The following F7 variants were observed in gnomAD, a reference collection of about 807,000 sequenced individuals.
F7 encodes FVII coagulation protein.
F7 carries 38 observed loss-of-function variants against 47.5 expected under a neutral mutation model. The ratio of observed to expected loss-of-function variants is 0.80; its 90% CI spans 0.62 to 1.05. The LOEUF (loss-of-function observed/expected upper bound fraction) is 1.05, where lower values mean the gene tolerates loss of function less well. Ranked by LOEUF, F7 falls within the 50% of genes least tolerant of loss-of-function variation. The pLI is 0.00. For synonymous variants in F7, 244 were observed against 258.5 expected (o/e 0.94, Z 0.54); for missense variants, 575 against 605.4 (o/e 0.95, Z 0.53).
intron 2 of F7, among the ~76,000 whole-genome samples, chr13:113,112,516 C>G (rs896461947): frequency 6.8e-6 from 1 of 147,592 alleles, no homozygotes; most frequent in African/African-American, 2.5e-5. Context: ...CAGATCATCT[C>G]ATTCTCACAG....
rs1235260183 is a variant in F7 at position 113,113,419 on chromosome 13, T to C, written c.226-333T>C. Reference sequence around the variant, plus strand: ...TGCTACTGCACCCTCTCCCCGTATGTGTGGCCACCCTGTCAGAGGTGGAGC... The same window carrying C: ...TGCTACTGCACCCTCTCCCCGTATGCGTGGCCACCCTGTCAGAGGTGGAGC... On this transcript the variant is annotated intron_variant, in intron 2 of 7. Transcript: ENST00000346342. This position sits in a 1 kb window ranked among gnomAD's most constrained non-coding sequence, Gnocchi z 4.1. Among the ~76,000 whole-genome samples the C allele has an allele frequency of 6.6e-6, 1 of 152,260 alleles. No homozygotes were observed. Among genetic ancestry groups the C allele is most frequent in the Non-Finnish European group, 1.5e-5 (1 of 68,046 alleles).
At chr13:113,109,250 T>TCGTGGGTGTCCCGGGAG (rs1484751780) in intron 1 of F7, among the ~76,000 whole-genome samples, 1 of 81,742 alleles carries the variant, frequency 1.2e-5, no homozygotes, top group East Asian at 3.3e-4. Flanking sequence ...GTCCCGGGGG[T>TCGTGGGTGTCCCGGGAG]CGTGGGTGTC....
At position 113,110,679 on chromosome 13, in the gene F7, G is replaced by A. The variant is rs1049777431; in HGVS notation, c.65-11G>A. ...ACGCGGTGGGCGCTTCACGGAACTC[G>A]CATTTCCCAGTCTTCGTAACCCAGG... On this transcript the variant is annotated splice_polypyrimidine_tract_variant and intron_variant, in intron 1 of 7. Coordinates refer to ENST00000346342, the MANE Select transcript of F7 (RefSeq NM_019616.4). The A allele has an allele frequency of 3.9e-6, 6 of 1,547,994 alleles. No individual in the cohort carries two copies. The highest frequency in any genetic ancestry group is 4.4e-6 in the Non-Finnish European group (5 of 1,146,372).
At position 113,115,767 on chromosome 13, in the gene F7, C is replaced by T; in HGVS notation, c.472C>T (p.Leu158=). The change falls in exon 5 of 8, where the codon CTG becomes TTG. Residue 158 remains leucine, a synonymous_variant. Coordinates refer to ENST00000346342, the MANE Select transcript of F7 (RefSeq NM_019616.4). Reference sequence around the variant, plus strand: ...CTGTCGGTGCCACGAGGGGTACTCTCTGCTGGCAGACGGGGTGTCCTGCAC... The same window carrying T: ...CTGTCGGTGCCACGAGGGGTACTCTTTGCTGGCAGACGGGGTGTCCTGCAC... The part of the protein sequence containing the change: ...RSCRCHEGYS[L]LADGVSCTPT... The T allele has an allele frequency of 6.2e-7, 1 of 1,613,282 alleles. No homozygotes were observed. Among genetic ancestry groups the T allele is most frequent in the East Asian group, 2.2e-5 (1 of 44,878 alleles).
intron 1 of F7, among the ~76,000 whole-genome samples, chr13:113,106,356 A>G (rs1473486761): frequency 3.2e-3 from 15 of 4,758 alleles, no homozygotes; most frequent in African/African-American, 0.019. Flanking sequence ...GGTGTGGAGG[A>G]TCGGGGGTGG....
rs199567176 is a variant in F7 at position 113,118,489 on chromosome 13, C to T, written c.816C>T (p.Tyr272=). Residue 272 remains tyrosine, a synonymous_variant, in exon 8 of 8, where the codon TAC becomes TAT. Transcript: ENST00000346342. The part of the protein sequence containing the change: ...RVAQVIIPST[Y]VPGTTNHDIA... ...CGCAGGTCATCATCCCCAGCACGTA[C>T]GTCCCGGGCACCACCAACCACGACA... The T allele has an allele frequency of 2.8e-5, 45 of 1,610,144 alleles. No homozygotes were observed. The highest frequency in any genetic ancestry group is 8.3e-5 in the Admixed American group (5 of 60,014).
chr13:113,118,744 C>A lies in F7; in HGVS notation c.1071C>A (p.Asp357Glu). ...TGCAGCAGTCACGGAAGGTGGGAGA[C>A]TCCCCAAATATCACGGAGTACATGT... ...DCLQQSRKVG[D>E]SPNITEYMFC... Residue 357 changes from aspartate to glutamate, a missense_variant, in exon 8 of 8, where the codon GAC becomes GAA. Transcript: ENST00000346342. 1 of 1,613,168 alleles carries A rather than the reference C, an allele frequency of 6.2e-7. No individual in the cohort carries two copies. Among genetic ancestry groups the A allele is most frequent in the Non-Finnish European group, 8.5e-7 (1 of 1,179,958 alleles).
chr13:113,117,027 C>A lies in F7; in HGVS notation c.615+152C>A, dbSNP rs1479731510. 4.1e-6 allele frequency: 3 copies of A among 724,522 alleles called. No homozygotes were observed. The African/African-American group carries it at 5.2e-5, about 13-fold the overall frequency. The allele number at this position is 724,522 out of a possible 1,614,324, so 44.9% of individuals were successfully genotyped here. A position where few individuals can be genotyped will look rare whatever the true frequency, so the allele number is the denominator to read the frequency against. The stretch of plus-strand genomic sequence containing the variant: ...ACCTAGCACCTCCAGCTCGCGGCAC[C>A]CCCATGCTTTTAGTGGGGCAAGGAA... On this transcript the variant is annotated intron_variant, in intron 6 of 7. Coordinates refer to ENST00000346342, the MANE Select transcript of F7 (RefSeq NM_019616.4).
chr13:113,115,592 C>G (rs2036178674), intron 4 of F7, 68 bp from the exon 5 acceptor site: 1 of 1,564,470 alleles, frequency 6.4e-7, no homozygotes, highest in Non-Finnish European at 8.7e-7. Context: ...CAGGGCATGG[C>G]CACCCCGGGG....
At chr13:113,111,418 C>T (rs1300701502) in intron 2 of F7, among the ~76,000 whole-genome samples, 3 of 84,138 alleles carry the variant, frequency 3.6e-5, no homozygotes, top group African/African-American at 7.2e-5. Flanking sequence ...CACAGGACAC[C>T]TCACACTCAC....
At chr13:113,106,859 G>A (rs1262951606) in intron 1 of F7, 2 of 1,604,586 alleles carry the variant, frequency 1.2e-6, no homozygotes, top group African/African-American at 1.3e-5. Context: ...GGTCGCTAAG[G>A]CCTCAGGAGG....
chr13:113,117,862 C>CACAG (rs1400069922), intron 7 of F7, among the ~76,000 whole-genome samples: 2 of 152,232 alleles, frequency 1.3e-5, no homozygotes, highest in South Asian at 2.1e-4. Flanking sequence ...CTGTCACTTC[C>CACAG]ACAGACAGAC....
At chr13:113,110,465 C>A in intron 1 of F7, 1 of 531,348 alleles carries the variant, frequency 1.9e-6, no homozygotes, top group Non-Finnish European at 3.2e-6. Flanking sequence ...CCCTCGGGAT[C>A]AGCCCCCGGA....
chr13:113,107,203 A>G (rs2035977768), intron 1 of F7, among the ~76,000 whole-genome samples: 1 of 151,972 alleles, frequency 6.6e-6, no homozygotes, highest in African/African-American at 2.4e-5. Flanking sequence ...CTTTCACCCC[A>G]GGGCGGTCAC....
At chr13:113,109,576 C>T (rs2142209272) in intron 1 of F7, among the ~76,000 whole-genome samples, 1 of 152,312 alleles carries the variant, frequency 6.6e-6, no homozygotes, top group East Asian at 1.9e-4. Context: ...AACTCGGGCT[C>T]CTGCCCACCG....
In F7 at chr13:113,118,635, G is replaced by A. The variant is rs1340056782; in HGVS notation, c.962G>A (p.Gly321Asp). The A allele has an allele frequency of 1.2e-6, 2 of 1,612,898 alleles. No individual in the cohort carries two copies. Among genetic ancestry groups the A allele is most frequent in the East Asian group, 4.5e-5 (2 of 44,876 alleles). ...TTCGTGCGCTTCTCATTGGTCAGCGGCTGGGGCCAGCTGCTGGACCGTGGC... is the reference window on the plus strand; with the variant it reads ...TTCGTGCGCTTCTCATTGGTCAGCGACTGGGGCCAGCTGCTGGACCGTGGC... ...LAFVRFSLVS[G>D]WGQLLDRGAT... Residue 321 changes from glycine (G) to aspartate (D), a missense_variant, in exon 8 of 8, where the codon GGC (glycine) becomes GAC (aspartate). Transcript: ENST00000346342.
chr13:113,113,623 G>C lies in F7; in HGVS notation c.226-129G>C. 9 of 919,242 alleles carry C rather than the reference G, an allele frequency of 9.8e-6. No homozygotes were observed. The South Asian group carries it at 1.2e-4, about 12-fold the overall frequency. The allele number at this position is 919,242 out of a possible 1,614,324, so 56.9% of individuals were successfully genotyped here. The stretch of plus-strand genomic sequence containing the variant: ...TACCTCAGCTCCAGAGGAAAGTCTG[G>C]CTTCCTGAGCCCACCCCGCCAGACC... On this transcript the variant is annotated intron_variant, in intron 2 of 7. Transcript: ENST00000346342. The surrounding 1 kb of genome is among the most constrained non-coding windows in gnomAD (Gnocchi z 4.1).
intron 1 of F7, 179 bp from the exon 2 acceptor site, chr13:113,110,511 G>A: frequency 1.3e-6 from 1 of 756,606 alleles, no homozygotes; most frequent in Non-Finnish European, 2.1e-6. Flanking sequence ...TGGGCGACGG[G>A]GGTGGCTGAC....
chr13:113,112,848 T>C (rs374341525), intron 2 of F7, among the ~76,000 whole-genome samples: 28 of 135,650 alleles, frequency 2.1e-4, no homozygotes, highest in African/African-American at 7.1e-4. Context: ...CAGGTCACCT[T>C]ACTCTCACAG....
Sources: allele counts gnomAD v4.1 joint callset (sites outside exome capture counted in the v4.1 genomes callset), GRCh38; gene constraint gnomAD v4.1.1; non-coding constraint Gnocchi (gnomAD v3.1); transcripts MANE v1.5; gene names NCBI Gene and HGNC (gene_info 2026-07-23, HGNC 2026-07-21).